EHMT1: variants seen among roughly 807,000 people sequenced by gnomAD.
The protein encoded by EHMT1 is euchromatic histone lysine methyltransferase 1.
A neutral mutation model predicts 147.2 loss-of-function variants in EHMT1; 15 were observed. The observed-to-expected ratio is 0.10, with a 90% CI of 0.07 to 0.16. EHMT1 has a LOEUF of 0.16. EHMT1 is among the 10% of genes least tolerant of loss of function. EHMT1 has a pLI of 1.00. For synonymous variants in EHMT1, 795 were observed against 709.6 expected (o/e 1.12, Z -1.91); for missense variants, 1,587 against 1,772.4 (o/e 0.90, Z 1.88).
rs2133152969 is a variant in EHMT1 at position 137,834,425 on chromosome 9, A to G, written c.3617A>G (p.Asn1206Ser). ...TTCATCAACCACCACTGCGAGCCCAACCTGGTGCCCGTGCGCGTGTTCATG... is the reference window on the plus strand; with the variant it reads ...TTCATCAACCACCACTGCGAGCCCAGCCTGGTGCCCGTGCGCGTGTTCATG... ...SRFINHHCEP[N>S]LVPVRVFMAH... is the part of the protein sequence containing the mutation. The change falls in exon 26 of 27, where the codon AAC becomes AGC. Residue 1206 changes from asparagine (N) to serine (S), a missense_variant. This residue lies in a region of EHMT1 where 141 missense variants were observed against 150.8 expected (regional missense o/e 0.94). Transcript: ENST00000460843. 5 of 1,613,256 alleles carry G rather than the reference A, an allele frequency of 3.1e-6. No homozygotes were observed. Among genetic ancestry groups the G allele is most frequent in the Non-Finnish European group, 4.2e-6 (5 of 1,179,798 alleles).
intron 25 of EHMT1, among the ~76,000 whole-genome samples, chr9:137,827,529 T>G (rs1955890322): frequency 6.6e-6 from 1 of 152,306 alleles, no homozygotes; most frequent in South Asian, 2.1e-4. Context: ...TCAAAGTATT[T>G]CCTGGACCAT....
intron 2 of EHMT1, chr9:137,715,714 G>A (rs1018369295): frequency 7.1e-6 from 7 of 985,444 alleles, no homozygotes; most frequent in Non-Finnish European, 8.4e-6. Context: ...TGTCATCGGA[G>A]AGTGAGCCTC....
chr9:137,720,668 C>T lies in EHMT1; in HGVS notation c.642+3486C>T, dbSNP rs150649778. Among the ~76,000 whole-genome samples the T allele has an allele frequency of 9.2e-5, 14 of 152,228 alleles. No homozygotes were observed. In the East Asian group the frequency reaches 2.7e-3, roughly 29 times the overall value. ...CCTTTTGAGAGTAGCTTTTGTCACTCAGCATAGTTCTCTTAAGATCATCCA... is the reference window on the plus strand; with the variant it reads ...CCTTTTGAGAGTAGCTTTTGTCACTTAGCATAGTTCTCTTAAGATCATCCA... On this transcript the variant is annotated intron_variant, in intron 3 of 26. Coordinates refer to ENST00000460843, the MANE Select transcript of EHMT1 (RefSeq NM_024757.5).
At position 137,711,014 on chromosome 9, in the gene EHMT1, C is replaced by A; in HGVS notation, c.69C>A (p.Thr23=). ...CTCAGCAGGATTGCTGTGTGAAAAC[C>A]GAGCTGCTGGGAGAAGGTGAGGGCG... ...GEPQQDCCVK[T]ELLGEETPMA... is the part of the protein sequence containing the mutation. The change falls in exon 2 of 27, where the codon ACC becomes ACA. Residue 23 remains threonine, a synonymous_variant. Coordinates refer to ENST00000460843, the MANE Select transcript of EHMT1 (RefSeq NM_024757.5). 6.3e-7 allele frequency: 1 copy of A among 1,595,570 alleles called. No individual in the cohort carries two copies. Among genetic ancestry groups the A allele is most frequent in the East Asian group, 2.3e-5 (1 of 44,140 alleles).
intron 1 of EHMT1, among the ~76,000 whole-genome samples, chr9:137,688,452 C>T (rs974930240): frequency 7.9e-5 from 12 of 152,156 alleles, no homozygotes; most frequent in African/African-American, 2.9e-4. Flanking sequence ...GGGCCGTGGC[C>T]GGCTGCCAGC....
intron 10 of EHMT1, among the ~76,000 whole-genome samples, chr9:137,766,971 C>G (rs770189055): frequency 6.6e-6 from 1 of 152,080 alleles, no homozygotes; most frequent in Non-Finnish European, 1.5e-5. Flanking sequence ...GCATGCAACA[C>G]CACGCCCAGC....
intron 14 of EHMT1, among the ~76,000 whole-genome samples, chr9:137,781,966 C>T (rs902200707): frequency 2.1e-4 from 32 of 152,184 alleles, no homozygotes; most frequent in African/African-American, 6.8e-4. Context: ...CCTGGTCAGC[C>T]GCCTCACTGG....
chr9:137,814,677 G>C, intron 22 of EHMT1, 169 bp downstream of exon 22: 1 of 746,390 alleles, frequency 1.3e-6, no homozygotes, highest in Non-Finnish European at 2.3e-6. Flanking sequence ...ACCAGCACCC[G>C]AGTCAGGGTC....
At chr9:137,798,171 G>A (rs1206581986) in intron 16 of EHMT1, among the ~76,000 whole-genome samples, 1 of 152,188 alleles carries the variant, frequency 6.6e-6, no homozygotes, top group African/African-American at 2.4e-5. Flanking sequence ...AGACCAAAGT[G>A]GGAGGATTGC....
chr9:137,805,806 G>A (rs1953899199), intron 18 of EHMT1, among the ~76,000 whole-genome samples: 2 of 152,016 alleles, frequency 1.3e-5, no homozygotes, highest in Admixed American at 6.5e-5. Flanking sequence ...GGGATTACAG[G>A]CACGAGCCAC....
rs753860799 is a variant in EHMT1 at position 137,731,174 on chromosome 9, G to A, written c.823+2645G>A. ...TTCCTCCACCACCCCTTCCTTATCCGTAACCTGGAAGTGGGTGGTCCATCA... is the reference window on the plus strand; with the variant it reads ...TTCCTCCACCACCCCTTCCTTATCCATAACCTGGAAGTGGGTGGTCCATCA... On this transcript the variant is annotated intron_variant, in intron 4 of 26. Transcript: ENST00000460843. This position sits in a 1 kb window ranked among gnomAD's most constrained non-coding sequence, Gnocchi z 4.3. Among the ~76,000 whole-genome samples the A allele has an allele frequency of 1.3e-5, 2 of 152,082 alleles. No homozygotes were observed. The highest frequency in any genetic ancestry group is 6.6e-5 in the Admixed American group (1 of 15,256).
Position 137,813,628 on chromosome 9 carries a change from G to A in EHMT1, c.3180+98G>A. ...CCTGGGTTCTCACCACTCAGAGCAG[G>A]AGGGCTTATGGGGGGCTTCCCAGGA... On this transcript the variant is annotated intron_variant, in intron 21 of 26. Coordinates refer to ENST00000460843, the MANE Select transcript of EHMT1 (RefSeq NM_024757.5). This position sits in a 1 kb window ranked among gnomAD's most constrained non-coding sequence, Gnocchi z 4.9. The A allele has an allele frequency of 5.8e-6, 9 of 1,541,612 alleles. No homozygotes were observed. Among genetic ancestry groups the A allele is most frequent in the Non-Finnish European group, 7.9e-6 (9 of 1,135,070 alleles).
chr9:137,682,852 C>T (rs1276693024), intron 1 of EHMT1, among the ~76,000 whole-genome samples: 1 of 152,178 alleles, frequency 6.6e-6, no homozygotes. Flanking sequence ...GTGCTGGGCC[C>T]CTAGGACGAT....
At chr9:137,628,770 C>T (rs1009200410) in intron 1 of EHMT1, among the ~76,000 whole-genome samples, 1 of 152,218 alleles carries the variant, frequency 6.6e-6, no homozygotes, top group East Asian at 1.9e-4. Context: ...TCGAAAAGAG[C>T]GTCTGTGGCT....
At chr9:137,771,252 T>C (rs1331863709) in intron 10 of EHMT1, among the ~76,000 whole-genome samples, 1 of 142,146 alleles carries the variant, frequency 7.0e-6, no homozygotes, top group African/African-American at 2.7e-5. Context: ...CAGGCTGGAG[T>C]GCAGTGGCGT....
intron 3 of EHMT1, among the ~76,000 whole-genome samples, chr9:137,723,849 C>T (rs3125780): frequency 0.11 from 17,162 of 152,276 alleles, 3,087 homozygotes; most frequent in African/African-American, 0.38. Context: ...GCTGCAGTCT[C>T]ACGATCCCGT....
At chr9:137,755,176 ATGATCAGTGCCAT>A (rs1298754896) in intron 8 of EHMT1, among the ~76,000 whole-genome samples, 1 of 152,226 alleles carries the variant, frequency 6.6e-6, no homozygotes, top group Non-Finnish European at 1.5e-5. Context: ...CCACAGTCAG[ATGATCAGTGCCAT>A]GAGCTCCTCT....
intron 25 of EHMT1, among the ~76,000 whole-genome samples, chr9:137,824,172 C>G (rs1955651096): frequency 6.6e-6 from 1 of 152,168 alleles, no homozygotes; most frequent in African/African-American, 2.4e-5. Context: ...CTTCTGGAGG[C>G]CGAGACGGAG....
Position 137,816,477 on chromosome 9 carries a change from C to T in EHMT1, c.3374+415C>T, listed in dbSNP as rs146130743. ...CCCTAACAGTGAGGTGATGTCCCAA[C>T]GCTTCTCAGGCTGCGTGGACTCCTT... is the stretch of plus-strand genomic sequence containing the variant. On this transcript the variant is annotated intron_variant, in intron 23 of 26. Transcript: ENST00000460843. 1,809 of 323,876 alleles carry T rather than the reference C, an allele frequency of 5.6e-3. 6 individuals are homozygous for T. The highest frequency in any genetic ancestry group is 0.011 in the Middle Eastern group (10 of 904). 20.1% of individuals were successfully genotyped at this position (323,876 alleles called of 1,614,324 possible).
Sources: allele counts gnomAD v4.1 joint callset (sites outside exome capture counted in the v4.1 genomes callset), GRCh38; gene constraint gnomAD v4.1.1; regional missense constraint gnomAD v4.1.1; non-coding constraint Gnocchi (gnomAD v3.1); transcripts MANE v1.5; gene names NCBI Gene and HGNC (gene_info 2026-07-23, HGNC 2026-07-21).